The following AOPEP variants were observed in gnomAD, a reference collection of about 807,000 sequenced individuals.
The protein encoded by AOPEP is aminopeptidase O (putative).
AOPEP carries 77 observed loss-of-function variants against 98.1 expected under a neutral mutation model. The ratio of observed to expected loss-of-function variants is 0.78; its 90% CI spans 0.65 to 0.95. AOPEP has a LOEUF of 0.95. Ranked by LOEUF, AOPEP falls within the 40% of genes least tolerant of loss-of-function variation. The pLI is 0.00. For synonymous variants in AOPEP, 346 were observed against 365.3 expected, an observed-to-expected ratio of 0.95 and a Z score of 0.60; for missense variants, 1,024 against 1,024.7, an observed-to-expected ratio of 1.00 and a Z score of 0.01.
the AOPEP span, among the ~76,000 whole-genome samples, chr9:95,138,661 A>G: frequency 6.6e-6 from 1 of 152,176 alleles, no homozygotes; most frequent in Non-Finnish European, 1.5e-5. Context: ...TTCTGCCAGT[A>G]CCACATCCTG....
intron 5 of AOPEP, among the ~76,000 whole-genome samples, chr9:94,916,493 A>G (rs73538177): frequency 0.037 from 5,660 of 152,242 alleles, 130 homozygotes; most frequent in Admixed American, 0.068. Context: ...CCATGAGGTC[A>G]GGAATTCAAG....
At chr9:95,140,423 T>C in the AOPEP span, among the ~76,000 whole-genome samples, 3 of 152,178 alleles carry the variant, frequency 2.0e-5, no homozygotes, top group Admixed American at 6.5e-5. Context: ...GTAAAGAAAT[T>C]GGTCCAACTG....
At chr9:94,901,955 G>A (rs2050468036) in intron 5 of AOPEP, among the ~76,000 whole-genome samples, 1 of 152,106 alleles carries the variant, frequency 6.6e-6, no homozygotes, top group African/African-American at 2.4e-5. Context: ...ATACCTTAAT[G>A]TGCATATGAA....
At chr9:94,946,113 A>G (rs570819137) in intron 7 of AOPEP, among the ~76,000 whole-genome samples, 1 of 152,276 alleles carries the variant, frequency 6.6e-6, no homozygotes, top group Non-Finnish European at 1.5e-5. Context: ...AGTTAATTCT[A>G]TCTCGCAATA....
chr9:95,130,872 C>G, the AOPEP span, among the ~76,000 whole-genome samples: 1 of 152,156 alleles, frequency 6.6e-6, no homozygotes, highest in Non-Finnish European at 1.5e-5. Context: ...TTATACAAAA[C>G]CTTCACATCT....
At chr9:95,111,429 AC>A in the AOPEP span, 2 of 1,604,084 alleles carry the variant, frequency 1.2e-6, no homozygotes, top group African/African-American at 2.7e-5. Context: ...CCCAGAGCCC[AC>A]CCCAAACACA....
chr9:94,892,217 T>TAAA (rs2048952037), intron 5 of AOPEP, among the ~76,000 whole-genome samples: 1 of 152,244 alleles, frequency 6.6e-6, no homozygotes, highest in South Asian at 2.1e-4. Flanking sequence ...ACTGTAGGTT[T>TAAA]ATGTCTTTTG....
In AOPEP at chr9:95,086,114, G is replaced by A. The variant is rs368679997; in HGVS notation, c.*5-568G>A. 299 of 1,365,562 alleles carry A rather than the reference G, an allele frequency of 2.2e-4. No individual in the cohort carries two copies. In the African/African-American group the frequency reaches 3.5e-3, roughly 16 times the overall value. 84.6% of individuals were successfully genotyped at this position (1,365,562 alleles called of 1,614,324 possible). On this transcript the variant is annotated intron_variant, in intron 16 of 16. Transcript: ENST00000375315. ...TCGAGCCCTTGAGCAAAAAGCCTTC[G>A]TGTCTGTAAGTGCCCGAGGCTCAGG...
chr9:94,880,406 G>A (rs1479717744), intron 5 of AOPEP, among the ~76,000 whole-genome samples: 1 of 122,042 alleles, frequency 8.2e-6, no homozygotes, highest in Admixed American at 1.0e-4. Context: ...TCTCTCTGTT[G>A]CCCAGGCTGG....
At chr9:94,842,990 G>A (rs2042449637) in intron 5 of AOPEP, among the ~76,000 whole-genome samples, 1 of 152,022 alleles carries the variant, frequency 6.6e-6, no homozygotes, top group South Asian at 2.1e-4. Context: ...CTTCTTTATT[G>A]TTTAAGCTTT....
the AOPEP span, among the ~76,000 whole-genome samples, chr9:95,092,536 TG>T: frequency 2.0e-5 from 3 of 152,248 alleles, no homozygotes; most frequent in Admixed American, 6.5e-5. Flanking sequence ...CAGAGGCGAC[TG>T]GGTGTGCACC....
At chr9:94,863,073 G>T (rs1564280920) in intron 5 of AOPEP, among the ~76,000 whole-genome samples, 1 of 152,148 alleles carries the variant, frequency 6.6e-6, no homozygotes, top group Non-Finnish European at 1.5e-5. Context: ...TTGAAATAAT[G>T]ACTTAGGTAA....
At chr9:94,923,242 A>G (rs1272505703) in intron 5 of AOPEP, among the ~76,000 whole-genome samples, 1 of 152,194 alleles carries the variant, frequency 6.6e-6, no homozygotes, top group Admixed American at 6.5e-5. Flanking sequence ...GGGTTTTAAC[A>G]CAAGGTATGG....
chr9:95,012,302 G>A (rs2062590925), intron 13 of AOPEP, among the ~76,000 whole-genome samples: 1 of 152,194 alleles, frequency 6.6e-6, no homozygotes, highest in Admixed American at 6.5e-5. Flanking sequence ...ATTTGGAAGT[G>A]TGCTGATAAT....
chr9:94,894,110 A>T lies in AOPEP; in HGVS notation c.1365-29876A>T, dbSNP rs371956401. 4.6e-5 allele frequency among the ~76,000 whole-genome samples: 7 copies of T among 152,342 alleles called. No homozygotes were observed. The South Asian group carries it at 8.3e-4, about 18-fold the overall frequency. On this transcript the variant is annotated intron_variant, in intron 5 of 16. Transcript: ENST00000375315. ...TATATAGCTCAATCTATGGAATGCC[A>T]CCAAAATTGTTCTTGATGAAAAATG...
At chr9:95,088,423 GGTCTCGAACTCCCGACCTCAC>G (rs2070817190), downstream of AOPEP, among the ~76,000 whole-genome samples, 1 of 152,034 alleles carries the variant, frequency 6.6e-6, no homozygotes, top group Non-Finnish European at 1.5e-5. Flanking sequence ...TGGTCAGGCT[GGTCTCGAACTCCCGACCTCAC>G]GTGATCCACC....
intron 13 of AOPEP, 138 bp from the exon 14 acceptor site, chr9:95,060,556 G>A (rs1374788198): frequency 1.3e-5 from 9 of 685,380 alleles, no homozygotes; most frequent in Middle Eastern, 2.5e-4. Context: ...AAAGTCAGCC[G>A]AACAGTCTTT....
Position 94,867,802 on chromosome 9 carries a change from G to A in AOPEP, c.1365-56184G>A, listed in dbSNP as rs1354572032. On this transcript the variant is annotated intron_variant, in intron 5 of 16. Transcript: ENST00000375315. ...TCGGAATATCAGGGAACATTTCTTGGTGAATAAACCTGGCTTCTTATATAC... is the reference window on the plus strand; with the variant it reads ...TCGGAATATCAGGGAACATTTCTTGATGAATAAACCTGGCTTCTTATATAC... 2.0e-5 allele frequency among the ~76,000 whole-genome samples: 3 copies of A among 152,158 alleles called. No individual in the cohort carries two copies. In the East Asian group the frequency reaches 5.8e-4, roughly 29 times the overall value.
chr9:95,062,965 A>C (rs2067457593), intron 14 of AOPEP, among the ~76,000 whole-genome samples: 1 of 152,188 alleles, frequency 6.6e-6, no homozygotes, highest in South Asian at 2.1e-4. Context: ...ATCCCAGGCT[A>C]CCTCCTGCCT....
Sources: gnomAD v4.1 joint callset for allele counts (sites outside exome capture counted in the v4.1 genomes callset) on GRCh38, gnomAD v4.1.1 for gene constraint, MANE v1.5 for transcripts, NCBI Gene and HGNC (gene_info 2026-07-23, HGNC 2026-07-21) for gene names.